ZNF804A: variants seen among roughly 807,000 people sequenced by gnomAD.
The protein encoded by ZNF804A is zinc finger protein 804A.
A neutral mutation model predicts 16.5 loss-of-function variants in ZNF804A; 2 were observed. The observed-to-expected ratio is 0.12, with a 90% CI of 0.05 to 0.38. ZNF804A has a LOEUF of 0.38. Ranked by LOEUF, ZNF804A falls within the 10% of genes least tolerant of loss-of-function variation. The pLI, the probability that ZNF804A is intolerant of heterozygous loss-of-function variation, is 0.99. For missense variants in ZNF804A, 1,473 were observed against 1,390.7 expected (o/e 1.06, Z -0.94); for synonymous variants, 534 against 489.6 (o/e 1.09, Z -1.20).
At chr2:184,723,493 G>C (rs748332593) in intron 1 of ZNF804A, among the ~76,000 whole-genome samples, 64 of 151,784 alleles carry the variant, frequency 4.2e-4, no homozygotes, top group Middle Eastern at 6.8e-3. Context: ...GTTACTTTGG[G>C]CTGTATTGTA....
At chr2:184,884,107 T>A (rs1472261000) in intron 2 of ZNF804A, among the ~76,000 whole-genome samples, 1 of 152,002 alleles carries the variant, frequency 6.6e-6, no homozygotes, top group East Asian at 1.9e-4. Flanking sequence ...ACTTCAGCAG[T>A]TTCAGGATAA....
intron 1 of ZNF804A, among the ~76,000 whole-genome samples, chr2:184,642,986 T>C (rs1691816130): frequency 1.3e-5 from 2 of 152,128 alleles, no homozygotes; most frequent in Admixed American, 6.5e-5. Flanking sequence ...ATTACAGTTC[T>C]CTTTTATTGA....
intron 1 of ZNF804A, among the ~76,000 whole-genome samples, chr2:184,700,108 G>T (rs1240217462): frequency 6.6e-6 from 1 of 152,086 alleles, no homozygotes; most frequent in East Asian, 1.9e-4. Flanking sequence ...GGTATTTGAT[G>T]TAATATTATA....
chr2:184,837,832 TGAA>T (rs1695377804), intron 1 of ZNF804A, among the ~76,000 whole-genome samples: 1 of 152,176 alleles, frequency 6.6e-6, no homozygotes, highest in Non-Finnish European at 1.5e-5. Flanking sequence ...ATGCCTGGCA[TGAA>T]CAGCTCTGCC....
intron 1 of ZNF804A, among the ~76,000 whole-genome samples, chr2:184,721,139 A>G (rs181122343): frequency 2.0e-5 from 3 of 152,304 alleles, no homozygotes; most frequent in Non-Finnish European, 4.4e-5. Flanking sequence ...AACTATTAAA[A>G]TCCTAGAAGA....
At chr2:184,716,276 C>A (rs1693211985) in intron 1 of ZNF804A, among the ~76,000 whole-genome samples, 8 of 151,980 alleles carry the variant, frequency 5.3e-5, no homozygotes, top group Admixed American at 5.2e-4. Context: ...TTTCCTAAGC[C>A]AGTACTTTCA....
intron 1 of ZNF804A, among the ~76,000 whole-genome samples, chr2:184,757,582 T>C (rs1039357504): frequency 4.6e-5 from 7 of 151,986 alleles, no homozygotes; most frequent in Non-Finnish European, 1.0e-4. Context: ...TGAATGACAA[T>C]AGGTATCTAT....
intron 2 of ZNF804A, among the ~76,000 whole-genome samples, chr2:184,900,688 G>A (rs1200938647): frequency 3.3e-5 from 5 of 152,168 alleles, no homozygotes; most frequent in Non-Finnish European, 5.9e-5. Flanking sequence ...CAGTTAGCCA[G>A]AGAAGACTGG....
rs147219993 is a variant in ZNF804A, at chr2:184,936,364, A to G, written c.968A>G (p.Asp323Gly). 2 of 1,614,024 alleles carry G rather than the reference A, an allele frequency of 1.2e-6. No homozygotes were observed. Among genetic ancestry groups the G allele is most frequent in the Non-Finnish European group, 8.5e-7 (1 of 1,179,958 alleles). The change falls in exon 4 of 4, where the codon GAT becomes GGT. Residue 323 changes from aspartate (D) to glycine (G), a missense_variant. Physicochemically the swap from Asp to Gly is moderately conservative, Grantham distance 94 (BLOSUM62 -1). Transcript: ENST00000302277. ...KFQLQLSSDA[D>G]NCQNSVPLAD... ...CAACTTCAGTTATCTTCTGATGCAG[A>G]TAATTGTCAAAATTCAGTCCCATTA... is the stretch of plus-strand genomic sequence containing the variant.
intron 1 of ZNF804A, among the ~76,000 whole-genome samples, chr2:184,740,148 G>A (rs1693691591): frequency 6.6e-6 from 1 of 152,100 alleles, no homozygotes; most frequent in Non-Finnish European, 1.5e-5. Flanking sequence ...TGCCACATTA[G>A]TGCTTCAGTC....
intron 1 of ZNF804A, among the ~76,000 whole-genome samples, chr2:184,643,116 G>A (rs1482309393): frequency 6.6e-6 from 1 of 152,012 alleles, no homozygotes; most frequent in Admixed American, 6.6e-5. Context: ...CATAAAAGAT[G>A]AGATCCTGAC....
chr2:184,793,249 C>A (rs1445004676), intron 1 of ZNF804A, among the ~76,000 whole-genome samples: 1 of 152,016 alleles, frequency 6.6e-6, no homozygotes, highest in East Asian at 1.9e-4. Flanking sequence ...GTACATGTGT[C>A]CTTTTGGTAG....
chr2:184,794,602 A>G (rs1694602935), intron 1 of ZNF804A, among the ~76,000 whole-genome samples: 1 of 151,980 alleles, frequency 6.6e-6, no homozygotes, highest in Non-Finnish European at 1.5e-5. Flanking sequence ...AAGACAAAAA[A>G]ACCAAGGTAT....
intron 1 of ZNF804A, among the ~76,000 whole-genome samples, chr2:184,662,979 C>T (rs772424776): frequency 1.4e-4 from 22 of 152,176 alleles, no homozygotes; most frequent in Non-Finnish European, 2.8e-4. Flanking sequence ...TATTAGGTTA[C>T]CATACAAGAT....
At chr2:184,783,375 A>T (rs1357965845) in intron 1 of ZNF804A, among the ~76,000 whole-genome samples, 1 of 151,818 alleles carries the variant, frequency 6.6e-6, no homozygotes, top group Non-Finnish European at 1.5e-5. Context: ...ATTTTAAGAT[A>T]TAACCATGAA....
rs191134127 is a variant in ZNF804A at position 184,719,489 on chromosome 2, G to A, written c.111+120419G>A. Reference sequence around the variant, plus strand: ...TCATGTTGTCAAGCTGCAAATTTTCGGAACTTTTATGTTCTCCTTCCCTTA... The same window carrying A: ...TCATGTTGTCAAGCTGCAAATTTTCAGAACTTTTATGTTCTCCTTCCCTTA... On this transcript the variant is annotated intron_variant, in intron 1 of 3. Coordinates refer to ENST00000302277, the MANE Select transcript of ZNF804A (RefSeq NM_194250.2). Among the ~76,000 whole-genome samples, 492 of 152,080 alleles carry A rather than the reference G, an allele frequency of 3.2e-3. 1 individual carries two copies. The highest frequency in any genetic ancestry group is 0.011 in the African/African-American group (448 of 41,492).
chr2:184,727,507 T>G (rs1477030496), intron 1 of ZNF804A, among the ~76,000 whole-genome samples: 1 of 151,686 alleles, frequency 6.6e-6, no homozygotes, highest in Non-Finnish European at 1.5e-5. Context: ...GATGCCTAAT[T>G]TAGTCCAAGT....
chr2:184,695,311 A>G (rs1012220233), intron 1 of ZNF804A, among the ~76,000 whole-genome samples: 2 of 151,596 alleles, frequency 1.3e-5, no homozygotes, highest in Admixed American at 6.6e-5. Flanking sequence ...AATACAAAAA[A>G]TTAGCCGGGT....
chr2:184,729,248 A>G (rs948802137), intron 1 of ZNF804A, among the ~76,000 whole-genome samples: 3 of 151,918 alleles, frequency 2.0e-5, no homozygotes, highest in Non-Finnish European at 2.9e-5. Context: ...CTATTCTACA[A>G]TGCATATATA....
Sources: gnomAD v4.1 joint callset for allele counts (sites outside exome capture counted in the v4.1 genomes callset) on GRCh38, gnomAD v4.1.1 for gene constraint, MANE v1.5 for transcripts, NCBI Gene and HGNC (gene_info 2026-07-23, HGNC 2026-07-21) for gene names.